Variants in SUSD1 observed in about 807,000 individuals in gnomAD.
SUSD1 encodes sushi domain containing 1, also known as sushi domain-containing protein 1.
A neutral mutation model predicts 86.9 loss-of-function variants in SUSD1; 65 were observed. The ratio of observed to expected loss-of-function variants is 0.75; its 90% CI spans 0.61 to 0.92. The LOEUF is 0.92. Ranked by LOEUF, SUSD1 falls within the 40% of genes least tolerant of loss-of-function variation. The pLI is 0.00. For synonymous variants in SUSD1, 346 were observed against 350.0 expected (o/e 0.99, Z 0.13); for missense variants, 850 against 929.7 (o/e 0.91, Z 1.11).
chr9:112,118,509 G>A (rs934670760), intron 6 of SUSD1, among the ~76,000 whole-genome samples: 6 of 152,142 alleles, frequency 3.9e-5, no homozygotes, highest in Admixed American at 6.5e-5. Context: ...TTTGGAGACG[G>A]AGTCTTGCGC....
intron 2 of SUSD1, among the ~76,000 whole-genome samples, chr9:112,155,519 T>A (rs78256568): frequency 0.014 from 2,205 of 152,252 alleles, 50 homozygotes; most frequent in African/African-American, 0.05. Context: ...CAATGGTGGG[T>A]GACTGTAAAA....
intron 12 of SUSD1, among the ~76,000 whole-genome samples, chr9:112,072,899 C>A (rs767197947): frequency 2.0e-5 from 3 of 152,178 alleles, no homozygotes; most frequent in African/African-American, 4.8e-5. Flanking sequence ...CTTCAGCCCC[C>A]TTGGAGCCAG....
intron 12 of SUSD1, among the ~76,000 whole-genome samples, chr9:112,077,880 TG>T (rs977714975): frequency 4.6e-5 from 7 of 152,202 alleles, no homozygotes; most frequent in African/African-American, 1.7e-4. Flanking sequence ...AAGCATTTTT[TG>T]TTTAAGTATA....
chr9:112,117,330 C>A (rs1831369905), intron 6 of SUSD1, among the ~76,000 whole-genome samples: 1 of 152,126 alleles, frequency 6.6e-6, no homozygotes, highest in South Asian at 2.1e-4. Flanking sequence ...AGGATTAGAT[C>A]TGTGGTTTGA....
At chr9:112,173,657 G>A in intron 1 of SUSD1, 1 of 459,584 alleles carries the variant, frequency 2.2e-6, no homozygotes, top group Non-Finnish European at 4.3e-6. Context: ...CCTTGGCAAT[G>A]CGGGCACGAG....
chr9:112,168,000 G>C (rs576547176), intron 1 of SUSD1, among the ~76,000 whole-genome samples: 2 of 152,060 alleles, frequency 1.3e-5, no homozygotes, highest in African/African-American at 4.8e-5. Flanking sequence ...GAACAGTATG[G>C]GGGAAACCTC....
At chr9:112,092,263 A>C (rs552543482) in intron 10 of SUSD1, among the ~76,000 whole-genome samples, 1 of 152,348 alleles carries the variant, frequency 6.6e-6, no homozygotes, top group East Asian at 1.9e-4. Context: ...AGGCATTTCT[A>C]ATGCATCTTT....
intron 1 of SUSD1, among the ~76,000 whole-genome samples, chr9:112,170,932 C>T (rs573090069): frequency 1.4e-4 from 21 of 152,068 alleles, no homozygotes; most frequent in East Asian, 3.9e-4. Flanking sequence ...AAGCTGGTCT[C>T]GAACTCCTGA....
intron 15 of SUSD1, among the ~76,000 whole-genome samples, chr9:112,045,213 A>G (rs1414825399): frequency 6.6e-6 from 1 of 152,118 alleles, no homozygotes; most frequent in Non-Finnish European, 1.5e-5. Context: ...ACTTTACTGC[A>G]CTGGCATTTC....
intron 5 of SUSD1, among the ~76,000 whole-genome samples, chr9:112,131,251 G>A (rs1424916692): frequency 6.6e-6 from 1 of 152,202 alleles, no homozygotes; most frequent in Non-Finnish European, 1.5e-5. Flanking sequence ...CCCTGACTTG[G>A]TTCTCTAATC....
Position 112,041,137 on chromosome 9 carries a change from C to A in SUSD1, c.*355G>T. On this transcript the variant is annotated 3_prime_UTR_variant, in exon 17 of 17. Coordinates refer to ENST00000374270, the MANE Select transcript of SUSD1 (RefSeq NM_022486.5). ...GCAGAGATTCTCTTGCAGTCAATGT[C>A]TAGAGGAGCTGACCCTCAGGCATCA... The A allele has an allele frequency of 4.5e-6, 2 of 449,348 alleles. No homozygotes were observed. The highest frequency in any genetic ancestry group is 8.0e-6 in the Non-Finnish European group (2 of 249,742). 27.8% of individuals were successfully genotyped at this position (449,348 alleles called of 1,614,324 possible). A position where few individuals can be genotyped will look rare whatever the true frequency, so the allele number is the denominator to read the frequency against.
At chr9:112,127,410 T>G (rs1187384269) in intron 5 of SUSD1, among the ~76,000 whole-genome samples, 23 of 151,944 alleles carry the variant, frequency 1.5e-4, no homozygotes, top group Non-Finnish European at 2.6e-4. Context: ...ACTCTGAAAT[T>G]CTATAGTCCC....
intron 5 of SUSD1, among the ~76,000 whole-genome samples, chr9:112,135,749 T>A (rs1426537341): frequency 6.6e-6 from 1 of 152,230 alleles, no homozygotes; most frequent in African/African-American, 2.4e-5. Context: ...CACTCCTCAC[T>A]AGAAAATGGC....
intron 6 of SUSD1, among the ~76,000 whole-genome samples, chr9:112,115,349 G>A (rs1329721001): frequency 6.6e-6 from 1 of 152,190 alleles, no homozygotes; most frequent in Non-Finnish European, 1.5e-5. Context: ...GTAAGCCCAA[G>A]TTATCTATTA....
intron 10 of SUSD1, among the ~76,000 whole-genome samples, chr9:112,083,802 G>A (rs1278221249): frequency 6.6e-6 from 1 of 152,142 alleles, no homozygotes; most frequent in Admixed American, 6.6e-5. Flanking sequence ...TCTTCAAAAT[G>A]TGCTCTTTTT....
chr9:112,044,076 A>T (rs1362282583), intron 15 of SUSD1, among the ~76,000 whole-genome samples: 1 of 152,222 alleles, frequency 6.6e-6, no homozygotes, highest in African/African-American at 2.4e-5. Flanking sequence ...CTAGAATTAT[A>T]GGCATGAGCC....
intron 13 of SUSD1, among the ~76,000 whole-genome samples, chr9:112,061,756 A>G (rs919405059): frequency 6.6e-6 from 1 of 152,228 alleles, no homozygotes; most frequent in Non-Finnish European, 1.5e-5. Flanking sequence ...TTTATTATAA[A>G]TGGATATACA....
At chr9:112,079,011 G>A (rs530471605) in intron 11 of SUSD1, among the ~76,000 whole-genome samples, 10 of 151,512 alleles carry the variant, frequency 6.6e-5, no homozygotes, top group South Asian at 2.1e-4. Flanking sequence ...ACAGGGTTTC[G>A]CCATGTTGCC....
At chr9:112,095,339 C>T (rs1055429378) in intron 10 of SUSD1, among the ~76,000 whole-genome samples, 1 of 152,192 alleles carries the variant, frequency 6.6e-6, no homozygotes, top group Non-Finnish European at 1.5e-5. Flanking sequence ...AGGCTTAGAG[C>T]TGAGCAGGAC....
Sources: allele counts gnomAD v4.1 joint callset (sites outside exome capture counted in the v4.1 genomes callset), GRCh38; gene constraint gnomAD v4.1.1; transcripts MANE v1.5; gene names NCBI Gene and HGNC (gene_info 2026-07-23, HGNC 2026-07-21).